The following PPP2R2B variants were observed in gnomAD, a reference collection of about 807,000 sequenced individuals.
PPP2R2B encodes the protein serine/threonine-protein phosphatase 2A 55 kDa regulatory subunit B beta isoform.
Under a neutral mutation model 46.0 loss-of-function variants are expected in PPP2R2B, and 5 were observed. The observed-to-expected ratio is 0.11, with a 90% CI of 0.06 to 0.23. The LOEUF is 0.23. Ranked by LOEUF, PPP2R2B falls within the 10% of genes least tolerant of loss-of-function variation. The pLI is 1.00. For missense variants in PPP2R2B, 367 were observed against 575.0 expected (o/e 0.64, Z 3.70); for synonymous variants, 215 against 206.7 (o/e 1.04, Z -0.34).
chr5:146,630,651 T>C, intron 7 of PPP2R2B, among the ~76,000 whole-genome samples: 1 of 152,206 alleles, frequency 6.6e-6, no homozygotes, highest in Non-Finnish European at 1.5e-5. Context: ...TTGGCTTACT[T>C]CCTGGACACA....
intron 2 of PPP2R2B, among the ~76,000 whole-genome samples, chr5:146,852,410 G>C (rs1405857059): frequency 1.3e-5 from 2 of 152,130 alleles, no homozygotes; most frequent in Non-Finnish European, 2.9e-5. Flanking sequence ...ATGTGAAACT[G>C]TTTGCATTTC....
At chr5:147,067,325 C>T (rs181028097) in intron 2 of PPP2R2B, among the ~76,000 whole-genome samples, 1 of 152,228 alleles carries the variant, frequency 6.6e-6, no homozygotes, top group East Asian at 1.9e-4. Flanking sequence ...CTCCTCTTAC[C>T]CCAACCCCTA....
In PPP2R2B at chr5:146,926,735, G is replaced by A. The variant is rs114322584; in HGVS notation, c.79+128930C>T. On this transcript the variant is annotated intron_variant, in intron 1 of 8. Coordinates refer to the PPP2R2B transcript ENST00000336640. ...GCTCTTTTCAAGCTCCCCTGAGTCT[G>A]ATATCTGCTGGACCTTTTTGAGTCT... is the stretch of plus-strand genomic sequence containing the variant. 4.2e-3 allele frequency among the ~76,000 whole-genome samples: 642 copies of A among 152,278 alleles called. 6 individuals are homozygous for A. Among genetic ancestry groups the A allele is most frequent in the African/African-American group, 0.015 (605 of 41,560 alleles).
At chr5:146,851,970 G>A (rs2151382942) in intron 2 of PPP2R2B, among the ~76,000 whole-genome samples, 1 of 152,230 alleles carries the variant, frequency 6.6e-6, no homozygotes, top group South Asian at 2.1e-4. Context: ...AGCATTTGGA[G>A]CATAATTTGA....
chr5:147,035,348 G>A (rs1172688715), intron 1 of PPP2R2B: 2 of 297,724 alleles, frequency 6.7e-6, no homozygotes, highest in East Asian at 2.7e-4. Context: ...AAGGGGGAAG[G>A]CCTCCCCCAT....
rs556899051 is a variant in PPP2R2B at position 146,698,211 on chromosome 5, C to T, written c.169-67G>A. 2.1e-4 allele frequency: 293 copies of T among 1,387,958 alleles called. 1 individual carries two copies. The African/African-American group carries it at 4.2e-3, about 20-fold the overall frequency. The allele number at this position is 1,387,958 out of a possible 1,614,324, so 86.0% of individuals were successfully genotyped here. Reference sequence around the variant, plus strand: ...TAGCCAACTGTAAAACTCGCCAACTCCCTTTTTTTTCCAGCAGTCATTGGG... The same window carrying T: ...TAGCCAACTGTAAAACTCGCCAACTTCCTTTTTTTTCCAGCAGTCATTGGG... On this transcript the variant is annotated intron_variant, in intron 3 of 9. Coordinates refer to ENST00000394411, the MANE Select transcript of PPP2R2B (RefSeq NM_181675.4).
At chr5:146,847,457 T>C (rs1006603361) in intron 2 of PPP2R2B, among the ~76,000 whole-genome samples, 2 of 152,190 alleles carry the variant, frequency 1.3e-5, no homozygotes, top group East Asian at 3.8e-4. Flanking sequence ...TTTTATCTGG[T>C]CAACTTCTAC....
chr5:146,989,617 C>T (rs1049570549), intron 1 of PPP2R2B, among the ~76,000 whole-genome samples: 15 of 151,984 alleles, frequency 9.9e-5, no homozygotes, highest in African/African-American at 3.6e-4. Context: ...AAAGGCCTTA[C>T]ATGACAAAAC....
intron 2 of PPP2R2B, among the ~76,000 whole-genome samples, chr5:146,850,270 C>T (rs747674774): frequency 6.6e-6 from 1 of 152,152 alleles, no homozygotes; most frequent in Non-Finnish European, 1.5e-5. Flanking sequence ...AATCACGTGT[C>T]TCTTTAGATC....
chr5:146,917,877 T>C (rs1017791671), intron 1 of PPP2R2B: 1 of 152,200 alleles, frequency 6.6e-6, no homozygotes, highest in Non-Finnish European at 1.5e-5. Flanking sequence ...AGTATCTGTT[T>C]AACAGTAAAG....
At chr5:146,883,063 T>C (rs1481871034), upstream of PPP2R2B, among the ~76,000 whole-genome samples, 1 of 152,214 alleles carries the variant, frequency 6.6e-6, no homozygotes, top group African/African-American at 2.4e-5. Context: ...TAAATATCTA[T>C]AATTTTATTA....
intron 5 of PPP2R2B, among the ~76,000 whole-genome samples, chr5:146,657,201 T>C (rs573853131): frequency 1.3e-5 from 2 of 152,222 alleles, no homozygotes; most frequent in Admixed American, 6.5e-5. Flanking sequence ...GGGGAGGCCA[T>C]GGGGAGGACT....
intron 1 of PPP2R2B, among the ~76,000 whole-genome samples, chr5:147,022,447 C>T (rs1755325342): frequency 6.6e-6 from 1 of 151,664 alleles, no homozygotes. Flanking sequence ...TTAGTCCCAG[C>T]CATTCGGGAG....
intron 1 of PPP2R2B, among the ~76,000 whole-genome samples, chr5:146,935,022 A>G (rs1764095392): frequency 6.6e-6 from 1 of 152,236 alleles, no homozygotes; most frequent in African/African-American, 2.4e-5. Context: ...CCCTACAATT[A>G]TGTATTGAAC....
chr5:146,803,994 C>T (rs943598378), intron 2 of PPP2R2B, among the ~76,000 whole-genome samples: 1 of 151,878 alleles, frequency 6.6e-6, no homozygotes, highest in African/African-American at 2.4e-5. Flanking sequence ...GGTGAAACCC[C>T]GTCTCTACTA....
chr5:146,836,814 T>A (rs559722372), intron 2 of PPP2R2B, among the ~76,000 whole-genome samples: 1 of 152,338 alleles, frequency 6.6e-6, no homozygotes, highest in African/African-American at 2.4e-5. Flanking sequence ...ACTATCTTGG[T>A]GAAAGAAGTT....
chr5:146,999,868 G>T (rs1754086082), intron 1 of PPP2R2B, among the ~76,000 whole-genome samples: 1 of 152,182 alleles, frequency 6.6e-6, no homozygotes, highest in South Asian at 2.1e-4. Flanking sequence ...TTTACATACT[G>T]CATGTAAAGG....
upstream of PPP2R2B, among the ~76,000 whole-genome samples, chr5:146,879,922 C>T (rs140820304): frequency 1.9e-3 from 291 of 152,268 alleles, 1 homozygote; most frequent in African/African-American, 6.1e-3. Context: ...TTAAGCTCCA[C>T]AAGTTTAGCT....
At chr5:147,022,178 A>G (rs1319634996) in intron 1 of PPP2R2B, among the ~76,000 whole-genome samples, 1 of 152,188 alleles carries the variant, frequency 6.6e-6, no homozygotes, top group Non-Finnish European at 1.5e-5. Context: ...TTGTGTAGGA[A>G]ACTATCAAGT....
Sources: allele counts gnomAD v4.1 joint callset (sites outside exome capture counted in the v4.1 genomes callset), GRCh38; gene constraint gnomAD v4.1.1; transcripts MANE v1.5; gene names NCBI Gene and HGNC (gene_info 2026-07-23, HGNC 2026-07-21).